GPC5: variants seen among roughly 807,000 people sequenced by gnomAD.
GPC5 encodes the protein glypican 5.
In GPC5, 47 loss-of-function variants were observed where a neutral mutation model predicts 53.9. The observed-to-expected ratio is 0.87, with a 90% CI of 0.69 to 1.11. The LOEUF (loss-of-function observed/expected upper bound fraction) is 1.11, where lower values mean the gene tolerates loss of function less well. Among genes scored for constraint, GPC5 ranks in the 50% most tolerant of loss-of-function variants. GPC5 has a pLI of 0.00. For synonymous variants in GPC5, 286 were observed against 263.3 expected (o/e 1.09, Z -0.84); for missense variants, 748 against 713.1 (o/e 1.05, Z -0.56).
intron 7 of GPC5, among the ~76,000 whole-genome samples, chr13:92,586,825 C>T (rs1883550631): frequency 2.0e-5 from 3 of 152,140 alleles, no homozygotes; most frequent in Non-Finnish European, 4.4e-5. Context: ...CATGACCATT[C>T]TCTATCAGCA....
At chr13:92,861,700 G>T (rs375670999) in intron 7 of GPC5, among the ~76,000 whole-genome samples, 2 of 151,928 alleles carry the variant, frequency 1.3e-5, no homozygotes, top group Non-Finnish European at 2.9e-5. Context: ...TGTACCAAAG[G>T]TTCTTTTCTT....
At chr13:91,485,816 A>T (rs1214694347) in intron 2 of GPC5, 1 of 152,242 alleles carries the variant, frequency 6.6e-6, no homozygotes, top group Non-Finnish European at 1.5e-5. Flanking sequence ...ACAGACAGAT[A>T]AGTTGTAGGA....
chr13:91,765,888 T>C (rs2037513032), intron 5 of GPC5, among the ~76,000 whole-genome samples: 1 of 152,230 alleles, frequency 6.6e-6, no homozygotes, highest in South Asian at 2.1e-4. Context: ...ATATTATATT[T>C]GAAGTGAAGT....
At chr13:92,402,081 A>G (rs867334796) in intron 7 of GPC5, among the ~76,000 whole-genome samples, 4 of 152,174 alleles carry the variant, frequency 2.6e-5, no homozygotes, top group Non-Finnish European at 5.9e-5. Flanking sequence ...GGAAAAAGGA[A>G]TTACACCCCG....
rs74241692 is a variant in GPC5 at position 91,582,735 on chromosome 13, A to G, written c.326-110452A>G. On this transcript the variant is annotated intron_variant, in intron 2 of 7. Coordinates refer to ENST00000377067, the MANE Select transcript of GPC5 (RefSeq NM_004466.6). ...AATATTTAATATCCATTTATAGGCCAGGCACGGTGGTTCACGCCTGTAATC... is the reference window on the plus strand; with the variant it reads ...AATATTTAATATCCATTTATAGGCCGGGCACGGTGGTTCACGCCTGTAATC... 2.9e-4 allele frequency among the ~76,000 whole-genome samples: 44 copies of G among 152,298 alleles called. No homozygotes were observed. In the East Asian group the frequency reaches 7.9e-3, roughly 27 times the overall value.
At chr13:91,666,842 C>G (rs767832802) in intron 2 of GPC5, among the ~76,000 whole-genome samples, 2 of 152,042 alleles carry the variant, frequency 1.3e-5, no homozygotes, top group African/African-American at 2.4e-5. Context: ...TCCAACATAT[C>G]TTAGTTTTTA....
intron 7 of GPC5, among the ~76,000 whole-genome samples, chr13:92,357,347 T>C (rs1420559669): frequency 2.6e-5 from 4 of 151,770 alleles, no homozygotes. Context: ...AGTAAAAGTG[T>C]TCCTTTTTCT....
intron 6 of GPC5, among the ~76,000 whole-genome samples, chr13:92,112,516 A>G (rs1237448301): frequency 7.2e-5 from 11 of 152,162 alleles, no homozygotes; most frequent in Admixed American, 7.2e-4. Context: ...CTGCTTAGAA[A>G]CTGCTCATCG....
intron 7 of GPC5, among the ~76,000 whole-genome samples, chr13:92,179,481 T>G (rs2042131241): frequency 6.6e-6 from 1 of 152,220 alleles, no homozygotes; most frequent in African/African-American, 2.4e-5. Flanking sequence ...ACTGAACTAA[T>G]TTGTCGTGGT....
At chr13:92,460,206 G>A (rs1440196952) in intron 7 of GPC5, among the ~76,000 whole-genome samples, 1 of 151,990 alleles carries the variant, frequency 6.6e-6, no homozygotes, top group Admixed American at 6.6e-5. Context: ...CAATTACAGT[G>A]CATTAGATAT....
chr13:92,453,317 TA>T (rs1481159457), intron 7 of GPC5, among the ~76,000 whole-genome samples: 1 of 152,186 alleles, frequency 6.6e-6, no homozygotes, highest in African/African-American at 2.4e-5. Flanking sequence ...GTTTTCTTGC[TA>T]ATATAATCTT....
intron 6 of GPC5, among the ~76,000 whole-genome samples, chr13:92,102,829 G>C (rs1023054847): frequency 1.3e-5 from 2 of 152,146 alleles, no homozygotes; most frequent in African/African-American, 4.8e-5. Flanking sequence ...AGGCATCTTC[G>C]TGGATTGAGG....
chr13:92,453,633 G>A (rs1371695042), intron 7 of GPC5, among the ~76,000 whole-genome samples: 1 of 152,112 alleles, frequency 6.6e-6, no homozygotes, highest in Non-Finnish European at 1.5e-5. Context: ...GAAAGAAATT[G>A]CAAAATGCAG....
chr13:92,711,061 A>G (rs1167929572), intron 7 of GPC5, among the ~76,000 whole-genome samples: 1 of 152,192 alleles, frequency 6.6e-6, no homozygotes, highest in Non-Finnish European at 1.5e-5. Flanking sequence ...GTACAGTCCC[A>G]CTTCTTAACA....
intron 2 of GPC5, among the ~76,000 whole-genome samples, chr13:91,553,950 T>A (rs2030796366): frequency 6.6e-6 from 1 of 152,070 alleles, no homozygotes. Context: ...TATAGGAGTT[T>A]TTGTTTTGAA....
chr13:92,724,903 C>CACACAG (rs1555306846), intron 7 of GPC5, among the ~76,000 whole-genome samples: 1,838 of 150,042 alleles, frequency 0.012, 45 homozygotes, highest in African/African-American at 0.043. Flanking sequence ...CACACACACA[C>CACACAG]ACACACACAA....
intron 6 of GPC5, among the ~76,000 whole-genome samples, chr13:91,944,321 C>A (rs774896247): frequency 6.6e-6 from 1 of 152,138 alleles, no homozygotes; most frequent in Non-Finnish European, 1.5e-5. Flanking sequence ...TGGTCTCGAT[C>A]TCCTGACCTC....
At chr13:92,836,528 C>G (rs1006141263) in intron 7 of GPC5, among the ~76,000 whole-genome samples, 1 of 152,032 alleles carries the variant, frequency 6.6e-6, no homozygotes, top group African/African-American at 2.4e-5. Flanking sequence ...TTATGACATA[C>G]AAATTTAGTT....
At chr13:92,154,757 C>G (rs771968740) in intron 7 of GPC5, among the ~76,000 whole-genome samples, 15 of 152,156 alleles carry the variant, frequency 9.9e-5, no homozygotes, top group Non-Finnish European at 2.1e-4. Context: ...CTGGAATGAG[C>G]CATTTTTACA....
Sources: gnomAD v4.1 joint callset for allele counts (sites outside exome capture counted in the v4.1 genomes callset) on GRCh38, gnomAD v4.1.1 for gene constraint, MANE v1.5 for transcripts, NCBI Gene and HGNC (gene_info 2026-07-23, HGNC 2026-07-21) for gene names.